The following SH2D4A variants were observed in gnomAD, a reference collection of about 807,000 sequenced individuals.
SH2D4A encodes the protein SH2 domain-containing protein 4A.
In SH2D4A, 70 loss-of-function variants were observed where a neutral mutation model predicts 64.7. The ratio of observed to expected loss-of-function variants is 1.08; its 90% CI spans 0.89 to 1.32. The LOEUF is 1.32. SH2D4A is among the 40% of genes most tolerant of loss of function. The pLI, the probability that SH2D4A is intolerant of heterozygous loss-of-function variation, is 0.00. For synonymous variants in SH2D4A, 268 were observed against 200.7 expected (o/e 1.34, Z -2.83); for missense variants, 706 against 540.1 (o/e 1.31, Z -3.04).
At chr8:19,320,666 T>C (rs1484541631) in intron 2 of SH2D4A, among the ~76,000 whole-genome samples, 7 of 132,806 alleles carry the variant, frequency 5.3e-5, no homozygotes, top group Non-Finnish European at 1.1e-4. Context: ...CATATACACA[T>C]ACAGACACAG....
chr8:19,364,357 A>G (rs1333635311), intron 7 of SH2D4A, 75 bp downstream of exon 7: 9 of 1,526,234 alleles, frequency 5.9e-6, no homozygotes, highest in East Asian at 2.4e-5. Flanking sequence ...TTAAAGGGGA[A>G]TTGTATGAGC....
At chr8:19,349,413 G>T (rs1050922116) in intron 4 of SH2D4A, among the ~76,000 whole-genome samples, 1 of 152,148 alleles carries the variant, frequency 6.6e-6, no homozygotes, top group Admixed American at 6.5e-5. Flanking sequence ...AAAATAAAAA[G>T]ATTGATAGAA....
At chr8:19,333,411 G>C (rs1386432209) in intron 3 of SH2D4A, among the ~76,000 whole-genome samples, 1 of 152,138 alleles carries the variant, frequency 6.6e-6, no homozygotes, top group Non-Finnish European at 1.5e-5. Flanking sequence ...TGTCATTCCA[G>C]TTTTGATCTG....
rs59532852 is a variant in SH2D4A, at chr8:19,383,988, T to C, written c.1049-9330T>C. 9.8e-3 allele frequency among the ~76,000 whole-genome samples: 1,498 copies of C among 152,350 alleles called. 21 individuals are homozygous for C. Among genetic ancestry groups the C allele is most frequent in the African/African-American group, 0.034 (1,422 of 41,584 alleles). ...GTAAAGTGCTTAGAACAGTACCTAA[T>C]AGGTGGTGTTTGTTATTTTGGTTTA... On this transcript the variant is annotated intron_variant, in intron 8 of 9. Transcript: ENST00000265807.
chr8:19,344,272 G>T (rs776878189), intron 4 of SH2D4A, among the ~76,000 whole-genome samples: 1 of 152,104 alleles, frequency 6.6e-6, no homozygotes, highest in Non-Finnish European at 1.5e-5. Flanking sequence ...TTATCTGGAG[G>T]CCCTGGAGAA....
At position 19,322,041 on chromosome 8, in the gene SH2D4A, C is replaced by G. The variant is rs946401712; in HGVS notation, c.181+2313C>G. Among the ~76,000 whole-genome samples, 5 of 152,142 alleles carry G rather than the reference C, an allele frequency of 3.3e-5. No individual in the cohort carries two copies. In the East Asian group the frequency reaches 9.6e-4, roughly 29 times the overall value. ...GGAAAGTTCTATCAATATCTCACGT[C>G]AAAAGTGTATTACTCCCTTAAATTG... On this transcript the variant is annotated intron_variant, in intron 2 of 9. Transcript: ENST00000265807.
intron 7 of SH2D4A, among the ~76,000 whole-genome samples, chr8:19,366,647 A>G (rs1284376152): frequency 6.6e-6 from 1 of 151,992 alleles, no homozygotes; most frequent in Non-Finnish European, 1.5e-5. Context: ...ATACAAAAAT[A>G]AGCCTGGTGT....
At chr8:19,385,464 G>A (rs2053372102) in intron 8 of SH2D4A, among the ~76,000 whole-genome samples, 2 of 152,130 alleles carry the variant, frequency 1.3e-5, no homozygotes, top group Admixed American at 6.5e-5. Context: ...GCCTCCCAAA[G>A]TGCTGGGATT....
chr8:19,357,031 C>T (rs1261173643), intron 4 of SH2D4A, among the ~76,000 whole-genome samples, 172 bp from the exon 5 acceptor site: 2 of 152,148 alleles, frequency 1.3e-5, no homozygotes, highest in Admixed American at 6.5e-5. Context: ...TTCACATGCC[C>T]GTTGCTGTAG....
At chr8:19,385,742 G>T (rs970149977) in intron 8 of SH2D4A, among the ~76,000 whole-genome samples, 11 of 152,172 alleles carry the variant, frequency 7.2e-5, no homozygotes, top group African/African-American at 2.4e-4. Flanking sequence ...TCACTGAATA[G>T]GTTGCATTAA....
At chr8:19,351,962 T>C (rs541575621) in intron 4 of SH2D4A, among the ~76,000 whole-genome samples, 1 of 152,240 alleles carries the variant, frequency 6.6e-6, no homozygotes, top group Admixed American at 6.5e-5. Flanking sequence ...TTTTGTACTT[T>C]CGTAGAGATG....
intron 2 of SH2D4A, among the ~76,000 whole-genome samples, chr8:19,330,160 T>C (rs1933007464): frequency 6.6e-6 from 1 of 152,184 alleles, no homozygotes; most frequent in African/African-American, 2.4e-5. Context: ...TAGAATGAAC[T>C]ACTACGAAGG....
chr8:19,366,305 G>A (rs115547364), intron 7 of SH2D4A, among the ~76,000 whole-genome samples: 2,543 of 152,238 alleles, frequency 0.017, 68 homozygotes, highest in African/African-American at 0.058. Flanking sequence ...TTTGTGGTGA[G>A]AACATTCAAA....
intron 8 of SH2D4A, 126 bp downstream of exon 8, chr8:19,373,786 T>A: frequency 2.3e-6 from 3 of 1,311,912 alleles, no homozygotes; most frequent in Non-Finnish European, 3.0e-6. Context: ...TTCAGATTAT[T>A]TCACAAAGCA....
At chr8:19,391,476 T>C (rs2053491832) in intron 8 of SH2D4A, among the ~76,000 whole-genome samples, 2 of 151,824 alleles carry the variant, frequency 1.3e-5, no homozygotes, top group South Asian at 4.2e-4. Flanking sequence ...TGGGAATGAG[T>C]GTAATAGAGC....
intron 2 of SH2D4A, among the ~76,000 whole-genome samples, chr8:19,326,687 G>A (rs895985697): frequency 6.6e-6 from 1 of 152,034 alleles, no homozygotes; most frequent in East Asian, 1.9e-4. Context: ...TAGTGTGTGT[G>A]AGAGCATGTG....
chr8:19,317,508 TTCA>T (rs10556721), intron 1 of SH2D4A, among the ~76,000 whole-genome samples: 105,576 of 151,484 alleles, frequency 0.7, 37,111 homozygotes, highest in Middle Eastern at 0.77. Context: ...TAGGTGTAGT[TTCA>T]TCAAGGGCCT....
At chr8:19,335,005 C>A (rs1169182294) in intron 4 of SH2D4A, 148 bp downstream of exon 4, 9 of 973,126 alleles carry the variant, frequency 9.2e-6, no homozygotes, top group South Asian at 4.1e-5. Context: ...TCCTCCAGGG[C>A]AGGCACGGTG....
chr8:19,368,465 A>C (rs1023886620), intron 7 of SH2D4A, among the ~76,000 whole-genome samples: 1 of 152,090 alleles, frequency 6.6e-6, no homozygotes, highest in African/African-American at 2.4e-5. Flanking sequence ...CATTTTGACT[A>C]TTAATTTTTC....
Sources: gnomAD v4.1 joint callset for allele counts (sites outside exome capture counted in the v4.1 genomes callset) on GRCh38, gnomAD v4.1.1 for gene constraint, MANE v1.5 for transcripts, NCBI Gene and HGNC (gene_info 2026-07-23, HGNC 2026-07-21) for gene names.